The following FBXL20 variants were observed in gnomAD, a reference collection of about 807,000 sequenced individuals.
FBXL20 encodes the protein F-box and leucine rich repeat protein 20.
Under a neutral mutation model 64.0 loss-of-function variants are expected in FBXL20, and 11 were observed. The observed-to-expected ratio is 0.17, with a 90% CI of 0.11 to 0.28. The LOEUF is 0.28. FBXL20 is among the 10% of genes least tolerant of loss of function. FBXL20 has a pLI of 1.00. For synonymous variants in FBXL20, 184 were observed against 189.0 expected, an observed-to-expected ratio of 0.97 and a Z score of 0.22; for missense variants, 303 against 526.2, an observed-to-expected ratio of 0.58 and a Z score of 4.15.
At chr17:39,297,019 C>A in intron 6 of FBXL20, 108 bp downstream of exon 6, 1 of 620,682 alleles carries the variant, frequency 1.6e-6, no homozygotes. Context: ...CTTTCCTCTA[C>A]AAAACCAAGA....
intron 9 of FBXL20, 139 bp from the exon 10 acceptor site, chr17:39,275,239 A>C: frequency 1.1e-6 from 1 of 888,466 alleles, no homozygotes; most frequent in East Asian, 2.7e-5. Flanking sequence ...TAGCAGACCT[A>C]AAAGAAAATG....
At chr17:39,355,385 TA>T (rs1190794730) in intron 1 of FBXL20, among the ~76,000 whole-genome samples, 4 of 152,036 alleles carry the variant, frequency 2.6e-5, no homozygotes, top group African/African-American at 9.7e-5. Flanking sequence ...GCCTTCTTCA[TA>T]TATTTTAAAT....
intron 13 of FBXL20, among the ~76,000 whole-genome samples, chr17:39,265,057 T>C (rs562325792): frequency 1.3e-5 from 2 of 152,340 alleles, no homozygotes; most frequent in South Asian, 4.1e-4. Flanking sequence ...CATTACATCT[T>C]AAGGTGAAGC....
chr17:39,379,905 G>C (rs1043031648), intron 1 of FBXL20, among the ~76,000 whole-genome samples: 57 of 152,250 alleles, frequency 3.7e-4, no homozygotes, highest in Admixed American at 3.3e-4. Flanking sequence ...CTTGAGCCCA[G>C]GAGGTCAAGG....
chr17:39,272,113 G>A (rs140795926), intron 10 of FBXL20, among the ~76,000 whole-genome samples: 13 of 152,138 alleles, frequency 8.5e-5, no homozygotes, highest in East Asian at 3.9e-4. Context: ...CTGTCCGGGC[G>A]CGGTGACTCA....
At chr17:39,294,722 G>C (rs1489849057) in intron 6 of FBXL20, among the ~76,000 whole-genome samples, 2 of 152,216 alleles carry the variant, frequency 1.3e-5, no homozygotes, top group East Asian at 3.9e-4. Flanking sequence ...AAAAGTTAAT[G>C]CACTTATGGC....
At chr17:39,374,764 G>A (rs946395710) in intron 1 of FBXL20, among the ~76,000 whole-genome samples, 11 of 152,066 alleles carry the variant, frequency 7.2e-5, no homozygotes, top group South Asian at 2.1e-4. Flanking sequence ...GAATTTAAGC[G>A]GACAGCTCAA....
intron 2 of FBXL20, among the ~76,000 whole-genome samples, chr17:39,310,579 G>GGCTCATGCCTATAACCCCA (rs1283965169): frequency 5.3e-5 from 8 of 152,150 alleles, no homozygotes; most frequent in Non-Finnish European, 1.0e-4. Context: ...TAGGCACAGT[G>GGCTCATGCCTATAACCCCA]GCTCATGCCT....
intron 1 of FBXL20, among the ~76,000 whole-genome samples, chr17:39,396,273 A>C (rs1327597505): frequency 5.9e-5 from 9 of 152,060 alleles, no homozygotes; most frequent in Admixed American, 6.6e-5. Flanking sequence ...GCTTTACAGA[A>C]GAGGGAAATC....
intron 1 of FBXL20, among the ~76,000 whole-genome samples, chr17:39,399,298 T>G (rs534840905): frequency 6.6e-6 from 1 of 152,352 alleles, no homozygotes; most frequent in South Asian, 2.1e-4. Context: ...AAAATATCAT[T>G]TGATGTAAAT....
intron 2 of FBXL20, among the ~76,000 whole-genome samples, chr17:39,315,723 C>T (rs1476427543): frequency 6.6e-6 from 1 of 151,618 alleles, no homozygotes; most frequent in Non-Finnish European, 1.5e-5. Flanking sequence ...GCTTTAGAAC[C>T]CAAGCAGGAC....
intron 1 of FBXL20, among the ~76,000 whole-genome samples, chr17:39,393,290 GA>G (rs199821623): frequency 6.0e-5 from 9 of 149,036 alleles, no homozygotes; most frequent in South Asian, 4.2e-4. Context: ...ACTGTCTCAG[GA>G]AAAAAAAATA....
intron 10 of FBXL20, among the ~76,000 whole-genome samples, chr17:39,273,752 G>A (rs1026327159): frequency 6.6e-6 from 1 of 151,532 alleles, no homozygotes; most frequent in African/African-American, 2.4e-5. Context: ...CCCAGGAGAC[G>A]GAGGTTGCAG....
At chr17:39,302,466 C>T (rs929486373) in intron 3 of FBXL20, among the ~76,000 whole-genome samples, 3 of 151,538 alleles carry the variant, frequency 2.0e-5, no homozygotes, top group Admixed American at 6.6e-5. Context: ...CTCCACCTCC[C>T]GGGTTCACGC....
At chr17:39,302,981 G>A (rs990596603) in intron 3 of FBXL20, among the ~76,000 whole-genome samples, 3 of 150,492 alleles carry the variant, frequency 2.0e-5, no homozygotes, top group African/African-American at 7.3e-5. Flanking sequence ...GTGTGATCTC[G>A]GCTCACTGCA....
At chr17:39,305,990 A>AAAAC (rs753973653) in intron 2 of FBXL20, among the ~76,000 whole-genome samples, 1 of 151,402 alleles carries the variant, frequency 6.6e-6, no homozygotes, top group East Asian at 1.9e-4. Flanking sequence ...TGTGTCTCAA[A>AAAAC]AAACAAACAA....
rs1322807143 is a variant in FBXL20 at position 39,396,665 on chromosome 17, T to G, written c.42+4696A>C. ...TGCTAGCAAAAAATTAAGATTAATA[T>G]GCAGGTCTTGCCGGGCGTGGTGGCT... is the stretch of plus-strand genomic sequence containing the variant. On this transcript the variant is annotated intron_variant, in intron 1 of 14. Coordinates refer to ENST00000264658, the MANE Select transcript of FBXL20 (RefSeq NM_032875.3). Among the ~76,000 whole-genome samples, 5 of 149,368 alleles carry G rather than the reference T, an allele frequency of 3.3e-5. No homozygotes were observed. The East Asian group carries it at 1.0e-3, about 30-fold the overall frequency.
intron 13 of FBXL20, 145 bp from the exon 14 acceptor site, chr17:39,264,532 A>G: frequency 1.3e-6 from 1 of 770,206 alleles, no homozygotes; most frequent in South Asian, 1.9e-5. Flanking sequence ...TGAAATTTAA[A>G]AAACTAGAGA....
intron 2 of FBXL20, among the ~76,000 whole-genome samples, chr17:39,309,490 T>C (rs1403831299): frequency 6.6e-6 from 1 of 152,220 alleles, no homozygotes; most frequent in Non-Finnish European, 1.5e-5. Context: ...TACCTGCTGT[T>C]TGTCTATTAT....
Sources: allele counts gnomAD v4.1 joint callset (sites outside exome capture counted in the v4.1 genomes callset), GRCh38; gene constraint gnomAD v4.1.1; transcripts MANE v1.5; gene names NCBI Gene and HGNC (gene_info 2026-07-23, HGNC 2026-07-21).